Variants in PRIM2 observed in about 807,000 individuals in gnomAD.
PRIM2 encodes the protein DNA primase subunit 2.
A neutral mutation model predicts 67.3 loss-of-function variants in PRIM2; 39 were observed. That is an observed-to-expected ratio of 0.58 (90% CI 0.45 to 0.76). The LOEUF is 0.76. PRIM2 is among the 30% of genes least tolerant of loss of function. The pLI is 0.00. For synonymous variants in PRIM2, 143 were observed against 198.7 expected (o/e 0.72, Z 2.36); for missense variants, 398 against 598.7 (o/e 0.66, Z 3.50).
the PRIM2 span, among the ~76,000 whole-genome samples, chr6:57,275,602 A>G: frequency 6.6e-6 from 1 of 152,262 alleles, no homozygotes; most frequent in Non-Finnish European, 1.5e-5. Flanking sequence ...TGCTAGAGAA[A>G]CATAACAGGA....
chr6:57,240,393 G>A, the PRIM2 span, among the ~76,000 whole-genome samples: 4 of 152,170 alleles, frequency 2.6e-5, no homozygotes, highest in Non-Finnish European at 4.4e-5. Flanking sequence ...GAGCCACCAC[G>A]CCTGGCCAGG....
chr6:57,573,586 T>G (rs1184397793), intron 10 of PRIM2, among the ~76,000 whole-genome samples: 6 of 152,078 alleles, frequency 3.9e-5, no homozygotes, highest in Non-Finnish European at 5.9e-5. Context: ...AGCAGTATGG[T>G]AATTTAAAGA....
intron 5 of PRIM2, among the ~76,000 whole-genome samples, chr6:57,372,763 G>C (rs1769607285): frequency 6.6e-6 from 1 of 152,162 alleles, no homozygotes; most frequent in Admixed American, 6.5e-5. Context: ...CTCCATCCAT[G>C]TCCCTGCAAA....
Position 57,374,273 on chromosome 6 carries a change from CTATTTATTTATTTATT to C in PRIM2, c.460-5610_460-5595del, listed in dbSNP as rs60492288. Among the ~76,000 whole-genome samples the C allele has an allele frequency of 2.4e-3, 322 of 132,138 alleles. 4 individuals are homozygous for C. In the South Asian group the frequency reaches 0.03, roughly 12 times the overall value. The allele number at this position is 132,138 out of a possible 152,430, so 86.7% of individuals were successfully genotyped here. ...TGGCTATTGTTGGTGTATAGGAATGCTATTTATTTATTTATTTATTTATTTATTTATTTTTTTTGAG... is the reference window on the plus strand; with the variant it reads ...TGGCTATTGTTGGTGTATAGGAATGCTATTTATTTATTTATTTTTTTTGAG... On this transcript the variant is annotated intron_variant, in intron 5 of 13. Transcript: ENST00000615550.
intron 7 of PRIM2, among the ~76,000 whole-genome samples, chr6:57,499,957 T>C (rs1216739194): frequency 1.3e-5 from 2 of 152,190 alleles, no homozygotes; most frequent in Admixed American, 6.5e-5. Context: ...CATCCATATA[T>C]ATTTAGTTAC....
At chr6:57,384,515 G>A (rs1330743602) in intron 7 of PRIM2, among the ~76,000 whole-genome samples, 4 of 152,128 alleles carry the variant, frequency 2.6e-5, no homozygotes, top group Non-Finnish European at 5.9e-5. Context: ...CTGGGGGTTA[G>A]TACCTCAACA....
At chr6:57,419,803 G>A (rs1172395696) in intron 7 of PRIM2, among the ~76,000 whole-genome samples, 1 of 152,092 alleles carries the variant, frequency 6.6e-6, no homozygotes, top group Non-Finnish European at 1.5e-5. Context: ...TCTTGCTAAT[G>A]TAAGTGTTAC....
At chr6:57,253,291 T>G in the PRIM2 span, among the ~76,000 whole-genome samples, 1 of 152,190 alleles carries the variant, frequency 6.6e-6, no homozygotes, top group Non-Finnish European at 1.5e-5. Context: ...ATTTAGAGAA[T>G]GATCTCAGAG....
chr6:57,557,649 G>GA (rs1332003662), intron 10 of PRIM2, among the ~76,000 whole-genome samples: 1 of 150,256 alleles, frequency 6.7e-6, no homozygotes. Flanking sequence ...GAGAGGAGCA[G>GA]AAAAAAATAA....
At chr6:57,518,074 C>T (rs1294252307) in intron 8 of PRIM2, among the ~76,000 whole-genome samples, 1 of 152,070 alleles carries the variant, frequency 6.6e-6, no homozygotes, top group Non-Finnish European at 1.5e-5. Flanking sequence ...AGGCAGACTA[C>T]CAAGACTCAC....
chr6:57,458,989 C>CA (rs1333511845), intron 7 of PRIM2, among the ~76,000 whole-genome samples: 2 of 152,032 alleles, frequency 1.3e-5, no homozygotes, highest in African/African-American at 4.8e-5. Flanking sequence ...TTAGTATGAA[C>CA]AAAAAAATAA....
chr6:57,419,003 A>G (rs1396634611), intron 7 of PRIM2, among the ~76,000 whole-genome samples: 3 of 152,060 alleles, frequency 2.0e-5, no homozygotes, highest in Non-Finnish European at 2.9e-5. Context: ...TGCTTTCTGT[A>G]TTTACTTTTA....
chr6:57,373,920 G>T (rs1298534894), intron 5 of PRIM2, among the ~76,000 whole-genome samples: 1 of 152,038 alleles, frequency 6.6e-6, no homozygotes, highest in Non-Finnish European at 1.5e-5. Flanking sequence ...GGTTGTCTTG[G>T]TTATTTGGGC....
chr6:57,301,458 G>T, the PRIM2 span, among the ~76,000 whole-genome samples: 1 of 152,296 alleles, frequency 6.6e-6, no homozygotes, highest in African/African-American at 2.4e-5. Context: ...TTGCACTCCA[G>T]CCTGGGCAGC....
chr6:57,573,938 C>T (rs1775914178), intron 10 of PRIM2, among the ~76,000 whole-genome samples: 1 of 151,868 alleles, frequency 6.6e-6, no homozygotes, highest in African/African-American at 2.4e-5. Context: ...GAGAAATAAT[C>T]TATTACTCAG....
Position 57,577,376 on chromosome 6 carries a change from A to G in PRIM2, c.1021-23717A>G, listed in dbSNP as rs1775982121. 2.0e-5 allele frequency among the ~76,000 whole-genome samples: 3 copies of G among 151,966 alleles called. No individual in the cohort carries two copies. In the South Asian group the frequency reaches 6.2e-4, roughly 31 times the overall value. On this transcript the variant is annotated intron_variant, in intron 10 of 13. Transcript: ENST00000615550. ...ACACCACCTTTGCCTAGTTATTAGGAGAATCAAATGAGGTAATCTATGTTG... is the reference window on the plus strand; with the variant it reads ...ACACCACCTTTGCCTAGTTATTAGGGGAATCAAATGAGGTAATCTATGTTG...
At chr6:57,417,779 T>A (rs1457534904) in intron 7 of PRIM2, among the ~76,000 whole-genome samples, 51 of 152,214 alleles carry the variant, frequency 3.4e-4, no homozygotes, top group African/African-American at 1.1e-3. Context: ...AGTGAGCACA[T>A]GCTATTGGAA....
chr6:57,264,673 G>A, the PRIM2 span, among the ~76,000 whole-genome samples: 1,100 of 144,498 alleles, frequency 7.6e-3, 13 homozygotes, highest in African/African-American at 0.027. Context: ...CTTGGCTCAC[G>A]GCAACCTCCC....
chr6:57,453,899 T>G, intron 7 of PRIM2, among the ~76,000 whole-genome samples: 1 of 152,312 alleles, frequency 6.6e-6, no homozygotes, highest in Middle Eastern at 3.4e-3. Flanking sequence ...TTTTTGCCCA[T>G]TCAGTATGAT....
Sources: gnomAD v4.1 joint callset for allele counts (sites outside exome capture counted in the v4.1 genomes callset) on GRCh38, gnomAD v4.1.1 for gene constraint, MANE v1.5 for transcripts, NCBI Gene and HGNC (gene_info 2026-07-23, HGNC 2026-07-21) for gene names.